The following TRPM7 variants were observed in gnomAD, a reference collection of about 807,000 sequenced individuals.
The protein encoded by TRPM7 is transient receptor potential cation channel subfamily M member 7.
TRPM7 carries 134 observed loss-of-function variants against 229.7 expected under a neutral mutation model. The ratio of observed to expected loss-of-function variants is 0.58; its 90% CI spans 0.51 to 0.67. The LOEUF (loss-of-function observed/expected upper bound fraction) is 0.67. Ranked by LOEUF, TRPM7 falls within the 30% of genes least tolerant of loss-of-function variation. TRPM7 has a pLI of 0.00. For synonymous variants in TRPM7, 699 were observed against 715.2 expected (o/e 0.98, Z 0.36); for missense variants, 1,901 against 2,210.0 (o/e 0.86, Z 2.80).
intron 1 of TRPM7, among the ~76,000 whole-genome samples, chr15:50,665,626 A>G (rs1342927991): frequency 6.6e-6 from 1 of 152,158 alleles, no homozygotes; most frequent in Non-Finnish European, 1.5e-5. Flanking sequence ...AATTCTATGC[A>G]CTTGAAAACC....
At chr15:50,564,845 T>C (rs1367538894) in intron 38 of TRPM7, among the ~76,000 whole-genome samples, 1 of 152,192 alleles carries the variant, frequency 6.6e-6, no homozygotes, top group Non-Finnish European at 1.5e-5. Flanking sequence ...GCTTTAGGGA[T>C]ATAAGCTAAT....
At chr15:50,581,563 CAG>C (rs1319934245) in intron 29 of TRPM7, among the ~76,000 whole-genome samples, 1 of 150,958 alleles carries the variant, frequency 6.6e-6, no homozygotes, top group Non-Finnish European at 1.5e-5. Context: ...AAAATACAAA[CAG>C]AAAAATTAAA....
chr15:50,655,000 C>CAAAA (rs35388005), intron 3 of TRPM7, among the ~76,000 whole-genome samples: 3 of 69,448 alleles, frequency 4.3e-5, no homozygotes, highest in African/African-American at 1.7e-4. Flanking sequence ...CACTCCGTCT[C>CAAAA]AAAAAAAAAA....
At chr15:50,642,139 A>C (rs2061121656) in intron 5 of TRPM7, among the ~76,000 whole-genome samples, 1 of 152,238 alleles carries the variant, frequency 6.6e-6, no homozygotes, top group Non-Finnish European at 1.5e-5. Context: ...AATAAAAGAC[A>C]GTAGTATGTT....
chr15:50,632,258 A>C (rs538009605), intron 9 of TRPM7, among the ~76,000 whole-genome samples: 3 of 151,978 alleles, frequency 2.0e-5, no homozygotes, highest in African/African-American at 7.2e-5. Context: ...GCACCACGGC[A>C]CTCCAGCTTG....
chr15:50,583,033 C>CT, intron 29 of TRPM7, 56 bp downstream of exon 29: 1 of 1,262,194 alleles, frequency 7.9e-7, no homozygotes, highest in Non-Finnish European at 1.1e-6. Context: ...TAGATCTTAT[C>CT]TAAAAAAGTT....
At chr15:50,569,282 A>T (rs1484406795) in intron 38 of TRPM7, among the ~76,000 whole-genome samples, 4 of 152,162 alleles carry the variant, frequency 2.6e-5, no homozygotes, top group Non-Finnish European at 5.9e-5. Context: ...TTAACTAACA[A>T]TTAAATAATA....
intron 1 of TRPM7, among the ~76,000 whole-genome samples, chr15:50,680,137 C>G (rs7182855): frequency 0.54 from 82,006 of 151,804 alleles, 22,359 homozygotes; most frequent in Admixed American, 0.62. Context: ...GGGAGGCTGA[C>G]AGAGGAGAAT....
At position 50,656,013 on chromosome 15, in the gene TRPM7, A is replaced by C. The variant is rs529228341; in HGVS notation, c.122+1768T>G. On this transcript the variant is annotated intron_variant, in intron 3 of 38. Transcript: ENST00000646667. ...CATCTCAAAAAAAGAAAAAAACAAA[A>C]AAAAAAAACCCCTGCTGCAATAAAA... 9.6e-4 allele frequency among the ~76,000 whole-genome samples: 146 copies of C among 152,048 alleles called. 1 individual carries two copies. Among genetic ancestry groups the C allele is most frequent in the African/African-American group, 3.2e-3 (132 of 41,528 alleles).
chr15:50,596,072 A>C (rs2059622514), intron 23 of TRPM7, among the ~76,000 whole-genome samples, 183 bp downstream of exon 23: 9 of 152,224 alleles, frequency 5.9e-5, no homozygotes, highest in Admixed American at 5.2e-4. Flanking sequence ...AAGATAATCA[A>C]ACTTAAAATT....
chr15:50,657,911 AAT>A, intron 2 of TRPM7, 92 bp from the exon 3 acceptor site: 1 of 925,076 alleles, frequency 1.1e-6, no homozygotes, highest in Non-Finnish European at 1.6e-6. Flanking sequence ...AAACAAAAAA[AAT>A]TATATACCTA....
intron 27 of TRPM7, 35 bp downstream of exon 27, chr15:50,589,557 T>C: frequency 7.3e-7 from 1 of 1,365,976 alleles, no homozygotes; most frequent in Non-Finnish European, 1.0e-6. Context: ...GTAAAATAAA[T>C]AGAACTGTGG....
chr15:50,586,625 T>C (rs1195438868), intron 27 of TRPM7, 137 bp from the exon 28 acceptor site: 10 of 519,196 alleles, frequency 1.9e-5, no homozygotes, highest in Middle Eastern at 5.0e-4. Flanking sequence ...GGGTGTATTA[T>C]AGATTATGGT....
chr15:50,606,643 T>A (rs1388400237), intron 20 of TRPM7, among the ~76,000 whole-genome samples: 2 of 152,020 alleles, frequency 1.3e-5, no homozygotes, highest in Admixed American at 1.3e-4. Flanking sequence ...GGATTACAGG[T>A]GGCCGCCACC....
chr15:50,659,909 C>A (rs1330829033), intron 2 of TRPM7, among the ~76,000 whole-genome samples: 1 of 152,180 alleles, frequency 6.6e-6, no homozygotes, highest in Non-Finnish European at 1.5e-5. Flanking sequence ...CTCAGGTGAT[C>A]CACCTACAGC....
intron 15 of TRPM7, 146 bp downstream of exon 15, chr15:50,613,561 G>A (rs12050765): frequency 4.3e-6 from 2 of 462,360 alleles, no homozygotes; most frequent in Non-Finnish European, 7.0e-6. Flanking sequence ...ATATCTCTGT[G>A]TGTGAGAAAA....
At chr15:50,672,856 G>A (rs141840472) in intron 1 of TRPM7, among the ~76,000 whole-genome samples, 157 of 119,454 alleles carry the variant, frequency 1.3e-3, no homozygotes, top group African/African-American at 4.8e-3. Context: ...GTTGCAGTGA[G>A]CCACTGCACT....
intron 1 of TRPM7, among the ~76,000 whole-genome samples, chr15:50,672,361 T>C (rs933414390): frequency 6.6e-6 from 1 of 151,522 alleles, no homozygotes; most frequent in African/African-American, 2.4e-5. Flanking sequence ...CGGCCACTCC[T>C]ACCTATTTTT....
chr15:50,579,616 T>C (rs1171514642), intron 30 of TRPM7, among the ~76,000 whole-genome samples: 2 of 152,160 alleles, frequency 1.3e-5, no homozygotes, highest in African/African-American at 4.8e-5. Flanking sequence ...GAAGTGCCTA[T>C]TTTGTACTTA....
Sources: allele counts gnomAD v4.1 joint callset (sites outside exome capture counted in the v4.1 genomes callset), GRCh38; gene constraint gnomAD v4.1.1; transcripts MANE v1.5; gene names NCBI Gene and HGNC (gene_info 2026-07-23, HGNC 2026-07-21).